Variants in IFNGR2 observed in about 807,000 individuals in gnomAD.
IFNGR2 encodes the protein IFN-gamma receptor 2.
IFNGR2 carries 15 observed loss-of-function variants against 41.1 expected under a neutral mutation model. That is an observed-to-expected ratio of 0.37 (90% CI 0.24 to 0.56). The LOEUF (loss-of-function observed/expected upper bound fraction) is 0.56. Ranked by LOEUF, IFNGR2 falls within the 20% of genes least tolerant of loss-of-function variation. The pLI, the probability that IFNGR2 is intolerant of heterozygous loss-of-function variation, is 0.81. For synonymous variants in IFNGR2, 161 were observed against 171.6 expected (o/e 0.94, Z 0.48); for missense variants, 362 against 415.7 (o/e 0.87, Z 1.12).
rs535727170 is a variant in IFNGR2, at chr21:33,413,787, C to T, written c.74-1101C>T. 2.1e-3 allele frequency among the ~76,000 whole-genome samples: 294 copies of T among 140,282 alleles called. 2 individuals carry two copies. The highest frequency in any genetic ancestry group is 7.4e-3 in the African/African-American group (278 of 37,574). 92.0% of individuals were successfully genotyped at this position (140,282 alleles called of 152,430 possible). On this transcript the variant is annotated intron_variant, in intron 1 of 6. Transcript: ENST00000290219. ...GGGATTCTGATATTGGTGGTGTTTC[C>T]GGGGGAGTATATTCTTTCTCTGTTT... is the stretch of plus-strand genomic sequence containing the variant.
rs767764290 is a variant in IFNGR2 at position 33,436,983 on chromosome 21, C to T, written c.*21C>T. 2 of 1,613,548 alleles carry T rather than the reference C, an allele frequency of 1.2e-6. No individual in the cohort carries two copies. Among genetic ancestry groups the T allele is most frequent in the East Asian group, 2.2e-5 (1 of 44,864 alleles). On this transcript the variant is annotated 3_prime_UTR_variant, in exon 7 of 7. Coordinates refer to ENST00000290219, the MANE Select transcript of IFNGR2 (RefSeq NM_005534.4). ...TTTGAACCAAAGCATGGGCCTAGCC[C>T]ACTGGCTCCCTGGAAGAGATCAAGC... is the stretch of plus-strand genomic sequence containing the variant.
Position 33,418,497 on chromosome 21 carries a change from T to C in IFNGR2, c.207-2983T>C, listed in dbSNP as rs60352888. The stretch of plus-strand genomic sequence containing the variant: ...GGAAGAGGGCCTTTGCATTTGTTTT[T>C]AGATACTTTGTTTTAGATACAAACA... On this transcript the variant is annotated intron_variant, in intron 2 of 6. Coordinates refer to ENST00000290219, the MANE Select transcript of IFNGR2 (RefSeq NM_005534.4). Among the ~76,000 whole-genome samples, 789 of 152,350 alleles carry C rather than the reference T, an allele frequency of 5.2e-3. 5 individuals carry two copies. Among genetic ancestry groups the C allele is most frequent in the Middle Eastern group, 0.031 (9 of 294 alleles).
chr21:33,427,841 CATCTTTTTTTT>C (rs1174625154), intron 4 of IFNGR2, among the ~76,000 whole-genome samples: 1 of 116,920 alleles, frequency 8.6e-6, no homozygotes, highest in African/African-American at 3.4e-5. Flanking sequence ...CATCTCATTT[CATCTTTTTTTT>C]TTTTTTTTTT....
At position 33,436,821 on chromosome 21, in the gene IFNGR2, CCT is replaced by C. The variant is rs1373298162; in HGVS notation, c.880-5_880-4del. Reference sequence around the variant, plus strand: ...TAATTACAATTTTGCTTTCCAACCTCCTCAAGTATTTAAAAGACCCAACTCAG... The same window carrying C: ...TAATTACAATTTTGCTTTCCAACCTCCAAGTATTTAAAAGACCCAACTCAG... On this transcript the variant is annotated splice_polypyrimidine_tract_variant and splice_region_variant and intron_variant, in intron 6 of 6. Coordinates refer to ENST00000290219, the MANE Select transcript of IFNGR2 (RefSeq NM_005534.4). 2 of 1,613,872 alleles carry C rather than the reference CCT, an allele frequency of 1.2e-6. No homozygotes were observed. The highest frequency in any genetic ancestry group is 1.7e-6 in the Non-Finnish European group (2 of 1,179,732).
Position 33,407,004 on chromosome 21 carries a change from G to A in IFNGR2, c.73+3388G>A, listed in dbSNP as rs368724004. ...GTATCTATCCCTTAGAGTTCTGTAA[G>A]AGTAGAATATGTAAAATATGGGACC... is the stretch of plus-strand genomic sequence containing the variant. On this transcript the variant is annotated intron_variant, in intron 1 of 6. Coordinates refer to ENST00000290219, the MANE Select transcript of IFNGR2 (RefSeq NM_005534.4). Among the ~76,000 whole-genome samples the A allele has an allele frequency of 5.0e-4, 76 of 152,240 alleles. 2 individuals are homozygous for A. Among genetic ancestry groups the A allele is most frequent in the African/African-American group, 1.7e-3 (70 of 41,550 alleles).
At position 33,437,348 on chromosome 21, in the gene IFNGR2, C is replaced by G. The variant is rs2083966603; in HGVS notation, c.*386C>G. On this transcript the variant is annotated 3_prime_UTR_variant, in exon 7 of 7. Transcript: ENST00000290219. ...GACTTTGGCAAATGAGCCGGAGCCC[C>G]TTGGGCAGGTCACACAACCTGTCCC... is the stretch of plus-strand genomic sequence containing the variant. 8.8e-6 allele frequency: 2 copies of G among 228,126 alleles called. No individual in the cohort carries two copies. The allele number at this position is 228,126 out of a possible 1,614,324, so 14.1% of individuals were successfully genotyped here.
chr21:33,410,576 T>A (rs935889190), intron 1 of IFNGR2, among the ~76,000 whole-genome samples: 4 of 151,004 alleles, frequency 2.6e-5, no homozygotes, highest in African/African-American at 9.8e-5. Flanking sequence ...CAAATGATTC[T>A]TGTGCTTCAG....
intron 1 of IFNGR2, among the ~76,000 whole-genome samples, chr21:33,406,043 C>G (rs534726770): frequency 6.8e-6 from 1 of 146,030 alleles, no homozygotes; most frequent in African/African-American, 2.5e-5. Context: ...AAAACAAAAA[C>G]AAACAAATAA....
At chr21:33,433,292 G>A (rs1222019428) in intron 6 of IFNGR2, among the ~76,000 whole-genome samples, 1 of 152,212 alleles carries the variant, frequency 6.6e-6, no homozygotes, top group East Asian at 1.9e-4. Context: ...GTTACAAATG[G>A]TATGGGGTTG....
intron 4 of IFNGR2, among the ~76,000 whole-genome samples, chr21:33,430,896 G>A (rs1157938407): frequency 6.6e-6 from 1 of 152,092 alleles, no homozygotes; most frequent in Admixed American, 6.6e-5. Flanking sequence ...GGATTATATT[G>A]TATCTCAAAA....
intron 3 of IFNGR2, among the ~76,000 whole-genome samples, chr21:33,422,843 C>T (rs889280479): frequency 7.9e-6 from 1 of 126,776 alleles, no homozygotes; most frequent in African/African-American, 2.9e-5. Context: ...CACCATTGCA[C>T]TCCAGCCTGG....
At chr21:33,423,431 C>T (rs994054764) in intron 3 of IFNGR2, among the ~76,000 whole-genome samples, 1 of 149,682 alleles carries the variant, frequency 6.7e-6, no homozygotes, top group African/African-American at 2.5e-5. Flanking sequence ...CTTGCACTGT[C>T]GCCCAGGCTG....
chr21:33,403,760 G>GA (rs1048231649), intron 1 of IFNGR2, 144 bp downstream of exon 1: 1 of 472,786 alleles, frequency 2.1e-6, no homozygotes, highest in Non-Finnish European at 3.2e-6. Flanking sequence ...TGGTGGGTGG[G>GA]ATATGCGGAG....
chr21:33,419,350 T>C (rs974441127), intron 2 of IFNGR2, among the ~76,000 whole-genome samples: 1 of 152,056 alleles, frequency 6.6e-6, no homozygotes, highest in Non-Finnish European at 1.5e-5. Flanking sequence ...TGAAGTGATC[T>C]GCCCGCCTCA....
intron 1 of IFNGR2, among the ~76,000 whole-genome samples, chr21:33,414,428 C>A (rs1229717475): frequency 1.3e-5 from 2 of 152,262 alleles, no homozygotes; most frequent in South Asian, 2.1e-4. Flanking sequence ...GGTACTAAAT[C>A]TGAAGCTAAC....
chr21:33,427,462 CAG>C lies in IFNGR2; in HGVS notation c.561+433_561+434del, dbSNP rs775338191. ...GGGCACATGCGAAATCGGGGGGAAA[CAG>C]AGGGAGAAAGAGCTTTCCAGAGAGC... is the stretch of plus-strand genomic sequence containing the variant. On this transcript the variant is annotated intron_variant, in intron 4 of 6. Coordinates refer to ENST00000290219, the MANE Select transcript of IFNGR2 (RefSeq NM_005534.4). Among the ~76,000 whole-genome samples, 26 of 152,256 alleles carry C rather than the reference CAG, an allele frequency of 1.7e-4. No individual in the cohort carries two copies. The East Asian group carries it at 4.4e-3, about 26-fold the overall frequency.
intron 6 of IFNGR2, among the ~76,000 whole-genome samples, chr21:33,434,032 C>T (rs1445292255): frequency 6.6e-6 from 1 of 152,038 alleles, no homozygotes; most frequent in Non-Finnish European, 1.5e-5. Flanking sequence ...GAGTGCCAGG[C>T]CCCGTGTACC....
intron 1 of IFNGR2, 95 bp downstream of exon 1, chr21:33,403,711 C>T (rs931145442): frequency 2.0e-4 from 171 of 834,164 alleles, no homozygotes; most frequent in Non-Finnish European, 2.7e-4. Context: ...GGGGAATCTG[C>T]CGGGTGCTCA....
At chr21:33,410,561 G>A (rs925769542) in intron 1 of IFNGR2, among the ~76,000 whole-genome samples, 60 of 148,570 alleles carry the variant, frequency 4.0e-4, no homozygotes, top group African/African-American at 1.4e-3. Context: ...CTCCACTGCC[G>A]GGTTCAAATG....
Sources: gnomAD v4.1 joint callset for allele counts (sites outside exome capture counted in the v4.1 genomes callset) on GRCh38, gnomAD v4.1.1 for gene constraint, MANE v1.5 for transcripts, NCBI Gene and HGNC (gene_info 2026-07-23, HGNC 2026-07-21) for gene names.